PLCB4: variants seen among roughly 807,000 people sequenced by gnomAD.
PLCB4 encodes the protein 1-phosphatidylinositol 4,5-bisphosphate phosphodiesterase beta-4.
Under a neutral mutation model 178.8 loss-of-function variants are expected in PLCB4, and 77 were observed. The observed-to-expected ratio is 0.43, with a 90% CI of 0.36 to 0.52. The LOEUF (loss-of-function observed/expected upper bound fraction) is 0.52, where lower values mean the gene tolerates loss of function less well. Among genes scored for constraint, PLCB4 ranks in the 20% least tolerant of loss-of-function variants. The probability of loss-of-function intolerance (pLI) is 0.00; values close to 1 mark genes in which losing one functional copy is unlikely to be tolerated. For synonymous variants in PLCB4, 496 were observed against 490.8 expected (o/e 1.01, Z -0.14); for missense variants, 1,024 against 1,453.4 (o/e 0.70, Z 4.80).
intron 3 of PLCB4, among the ~76,000 whole-genome samples, chr20:9,253,437 A>C (rs550544880): frequency 6.6e-6 from 1 of 152,256 alleles, no homozygotes; most frequent in South Asian, 2.1e-4. Context: ...ACTCAGACCC[A>C]ATCTGGAAGG....
intron 32 of PLCB4, among the ~76,000 whole-genome samples, chr20:9,444,770 A>C (rs1034841720): frequency 6.6e-6 from 1 of 152,154 alleles, no homozygotes; most frequent in Non-Finnish European, 1.5e-5. Context: ...TCAAAAAAAA[A>C]GAAAAATTAT....
chr20:9,378,301 G>T (rs567851367), intron 12 of PLCB4, among the ~76,000 whole-genome samples: 2 of 152,036 alleles, frequency 1.3e-5, no homozygotes, highest in East Asian at 3.9e-4. Flanking sequence ...AAATAAAGTG[G>T]CCACCTATGA....
intron 30 of PLCB4, among the ~76,000 whole-genome samples, chr20:9,439,489 A>G (rs6118615): frequency 0.13 from 19,566 of 152,222 alleles, 1,284 homozygotes; most frequent in East Asian, 0.16. Context: ...TTTTTGTAGT[A>G]TAACACAGAT....
At chr20:9,106,265 G>A (rs145783927) in intron 2 of PLCB4, among the ~76,000 whole-genome samples, 34 of 151,798 alleles carry the variant, frequency 2.2e-4, no homozygotes, top group Middle Eastern at 3.4e-3. Context: ...AAAAGTAATT[G>A]TGGTTTTTTG....
chr20:9,136,734 C>T (rs2092391958), intron 2 of PLCB4, among the ~76,000 whole-genome samples: 1 of 152,102 alleles, frequency 6.6e-6, no homozygotes, highest in Non-Finnish European at 1.5e-5. Flanking sequence ...TGTCTTTGCT[C>T]TTTCCTCTTT....
At chr20:9,374,576 A>C (rs2036515707) in intron 12 of PLCB4, among the ~76,000 whole-genome samples, 1 of 152,236 alleles carries the variant, frequency 6.6e-6, no homozygotes, top group South Asian at 2.1e-4. Flanking sequence ...AATCTACCAC[A>C]TCTTCAGTTT....
At chr20:9,417,231 T>A (rs2040312542) in intron 25 of PLCB4, among the ~76,000 whole-genome samples, 1 of 152,152 alleles carries the variant, frequency 6.6e-6, no homozygotes, top group Admixed American at 6.6e-5. Flanking sequence ...TTTTTAAGTT[T>A]TTTGACACAA....
At chr20:9,289,161 T>C (rs1400879441) in intron 3 of PLCB4, among the ~76,000 whole-genome samples, 3 of 152,138 alleles carry the variant, frequency 2.0e-5, no homozygotes, top group African/African-American at 7.2e-5. Context: ...TAAAAATATA[T>C]ATACAATGGC....
chr20:9,126,491 G>A (rs1351661176), intron 2 of PLCB4, among the ~76,000 whole-genome samples: 2 of 152,064 alleles, frequency 1.3e-5, no homozygotes, highest in Non-Finnish European at 2.9e-5. Context: ...AAAGTAGATC[G>A]TATACTTCAT....
chr20:9,150,006 G>T (rs1323818199), intron 2 of PLCB4, among the ~76,000 whole-genome samples: 1 of 152,192 alleles, frequency 6.6e-6, no homozygotes, highest in Non-Finnish European at 1.5e-5. Context: ...GAATGGAACA[G>T]CTTCCTCCAG....
At chr20:9,320,718 G>A (rs1017069871) in intron 4 of PLCB4, among the ~76,000 whole-genome samples, 5 of 152,198 alleles carry the variant, frequency 3.3e-5, no homozygotes, top group Middle Eastern at 3.2e-3. Flanking sequence ...TGTTGCTTGA[G>A]GTTTCACAGG....
At chr20:9,338,088 CT>C in intron 6 of PLCB4, 21 bp downstream of exon 6, 2 of 1,530,516 alleles carry the variant, frequency 1.3e-6, no homozygotes, top group Non-Finnish European at 1.8e-6. Flanking sequence ...TTGGTATTTG[CT>C]TTTCTAAACA....
At chr20:9,222,173 T>C (rs2093808245) in intron 3 of PLCB4, among the ~76,000 whole-genome samples, 1 of 151,704 alleles carries the variant, frequency 6.6e-6, no homozygotes, top group African/African-American at 2.4e-5. Flanking sequence ...CACTGCACCC[T>C]GGAACTCCTG....
At chr20:9,370,866 G>A (rs373874665) in intron 9 of PLCB4, 55 of 164,068 alleles carry the variant, frequency 3.4e-4, no homozygotes, top group African/African-American at 1.2e-3. Context: ...CTGAGATAGC[G>A]CCACTGCACT....
chr20:9,355,721 A>G (rs1394046359), intron 7 of PLCB4, among the ~76,000 whole-genome samples: 2 of 151,880 alleles, frequency 1.3e-5, no homozygotes, highest in Admixed American at 6.6e-5. Flanking sequence ...GTTGGTTCCA[A>G]GTCTTTGCTA....
At chr20:9,363,042 A>G in intron 8 of PLCB4, 67 bp downstream of exon 8, 5 of 1,148,482 alleles carry the variant, frequency 4.4e-6, no homozygotes, top group Non-Finnish European at 6.5e-6. Flanking sequence ...TGAAGAGATG[A>G]AGGCTAGGTG....
intron 33 of PLCB4, among the ~76,000 whole-genome samples, chr20:9,454,281 G>C (rs1370555557): frequency 1.3e-5 from 2 of 152,164 alleles, no homozygotes; most frequent in African/African-American, 2.4e-5. Flanking sequence ...CCCATTATTG[G>C]TGATGTTAAC....
At chr20:9,343,283 A>G (rs189539157) in intron 7 of PLCB4, among the ~76,000 whole-genome samples, 1 of 152,316 alleles carries the variant, frequency 6.6e-6, no homozygotes, top group African/African-American at 2.4e-5. Flanking sequence ...TAATCTAGGC[A>G]AAAGGGTAAA....
intron 19 of PLCB4, among the ~76,000 whole-genome samples, chr20:9,396,149 A>G (rs184009581): frequency 6.6e-6 from 1 of 152,296 alleles, no homozygotes; most frequent in East Asian, 1.9e-4. Context: ...CCTATTGGCC[A>G]TTCAGCTATT....
Sources: allele counts gnomAD v4.1 joint callset (sites outside exome capture counted in the v4.1 genomes callset), GRCh38; gene constraint gnomAD v4.1.1; transcripts MANE v1.5; gene names NCBI Gene and HGNC (gene_info 2026-07-23, HGNC 2026-07-21).